The following SRFBP1 variants were observed in gnomAD, a reference collection of about 807,000 sequenced individuals.
The protein encoded by SRFBP1 is serum response factor-binding protein 1.
Under a neutral mutation model 45.5 loss-of-function variants are expected in SRFBP1, and 47 were observed. That is an observed-to-expected ratio of 1.03 (90% CI 0.82 to 1.32). The LOEUF (loss-of-function observed/expected upper bound fraction) is 1.32, where lower values mean the gene tolerates loss of function less well. Among genes scored for constraint, SRFBP1 ranks in the 40% most tolerant of loss-of-function variants. The probability of loss-of-function intolerance (pLI) is 0.00; values close to 1 mark genes in which losing one functional copy is unlikely to be tolerated. For synonymous variants in SRFBP1, 203 were observed against 166.3 expected, an observed-to-expected ratio of 1.22 and a Z score of -1.70; for missense variants, 621 against 484.6, an observed-to-expected ratio of 1.28 and a Z score of -2.64.
chr5:122,076,485 G>A (rs1363723681), downstream of SRFBP1, among the ~76,000 whole-genome samples: 1 of 152,132 alleles, frequency 6.6e-6, no homozygotes, highest in African/African-American at 2.4e-5. Flanking sequence ...TACCAATGAG[G>A]CTACGATGGC....
intron 2 of SRFBP1, among the ~76,000 whole-genome samples, chr5:122,069,030 T>C (rs554184256): frequency 6.6e-6 from 1 of 152,248 alleles, no homozygotes; most frequent in South Asian, 2.1e-4. Context: ...TTCAGAAGAA[T>C]GTATGTGACT....
At chr5:122,038,066 G>A (rs1207780660) in intron 2 of SRFBP1, among the ~76,000 whole-genome samples, 3 of 152,118 alleles carry the variant, frequency 2.0e-5, no homozygotes, top group Non-Finnish European at 4.4e-5. Flanking sequence ...GTCTTAGATG[G>A]ATGCCTACCT....
intron 2 of SRFBP1, among the ~76,000 whole-genome samples, chr5:122,072,620 C>T (rs1336319774): frequency 2.6e-5 from 4 of 152,064 alleles, no homozygotes; most frequent in African/African-American, 9.7e-5. Flanking sequence ...GATTGAGAGA[C>T]TATTTTTTCC....
chr5:122,001,215 C>T lies in SRFBP1; in HGVS notation c.270+6545C>T, dbSNP rs562033923. 1.1e-4 allele frequency among the ~76,000 whole-genome samples: 17 copies of T among 151,570 alleles called. No homozygotes were observed. In the East Asian group the frequency reaches 3.3e-3, roughly 29 times the overall value. Reference sequence around the variant, plus strand: ...ATTATATAAAAGTTTCTAATCATAACTACTTGAGTAAAATGAATAAAAGTT... The same window carrying T: ...ATTATATAAAAGTTTCTAATCATAATTACTTGAGTAAAATGAATAAAAGTT... On this transcript the variant is annotated intron_variant, in intron 4 of 7. Coordinates refer to ENST00000339397, the MANE Select transcript of SRFBP1 (RefSeq NM_152546.3).
At chr5:122,040,154 T>G (rs545397425) in intron 2 of SRFBP1, among the ~76,000 whole-genome samples, 13 of 152,284 alleles carry the variant, frequency 8.5e-5, no homozygotes, top group African/African-American at 3.1e-4. Context: ...TACTTTTGAT[T>G]AATTTTAGGA....
At chr5:122,014,127 A>G (rs1334666281) in intron 4 of SRFBP1, among the ~76,000 whole-genome samples, 1 of 152,188 alleles carries the variant, frequency 6.6e-6, no homozygotes, top group Non-Finnish European at 1.5e-5. Flanking sequence ...ATGTGTCAAT[A>G]TCACTTTGTA....
intron 7 of SRFBP1, among the ~76,000 whole-genome samples, chr5:122,024,943 G>C (rs1753446491): frequency 6.6e-6 from 1 of 151,688 alleles, no homozygotes; most frequent in Non-Finnish European, 1.5e-5. Flanking sequence ...TTTTTGTTTT[G>C]TTTTGTTTTG....
intron 7 of SRFBP1, 81 bp downstream of exon 7, chr5:122,022,488 C>A: frequency 8.4e-7 from 1 of 1,193,792 alleles, no homozygotes. Context: ...ATTGTTGTTG[C>A]TTAATATAGC....
chr5:122,057,017 C>G (rs1396962520), intron 2 of SRFBP1, among the ~76,000 whole-genome samples: 1 of 152,036 alleles, frequency 6.6e-6, no homozygotes, highest in Non-Finnish European at 1.5e-5. Context: ...AATTGAGAAA[C>G]CAAATTTAAA....
rs552001084 is a variant in SRFBP1, at chr5:122,024,222, C to T, written c.1105+1815C>T. ...ACCTTTGTACAGCAAACTCCATAGGCTTGTGGCCTGCTTGCCAAGTTATCA... is the reference window on the plus strand; with the variant it reads ...ACCTTTGTACAGCAAACTCCATAGGTTTGTGGCCTGCTTGCCAAGTTATCA... On this transcript the variant is annotated intron_variant, in intron 7 of 7. Coordinates refer to ENST00000339397, the MANE Select transcript of SRFBP1 (RefSeq NM_152546.3). 3.3e-5 allele frequency among the ~76,000 whole-genome samples: 5 copies of T among 152,316 alleles called. No individual in the cohort carries two copies. In the East Asian group the frequency reaches 9.7e-4, roughly 29 times the overall value.
intron 4 of SRFBP1, among the ~76,000 whole-genome samples, chr5:122,002,864 G>C (rs1355485610): frequency 1.3e-5 from 2 of 151,916 alleles, no homozygotes; most frequent in Non-Finnish European, 2.9e-5. Context: ...CCAGCCTTAA[G>C]AAAAAAAGCA....
chr5:122,022,280 A>G, intron 6 of SRFBP1, 90 bp from the exon 7 acceptor site: 1 of 1,101,768 alleles, frequency 9.1e-7, no homozygotes. Flanking sequence ...GGCCCTTTGA[A>G]TTAGTTTTAT....
rs372644149 is a variant in SRFBP1, at chr5:121,994,681, A to G, written c.270+11A>G. On this transcript the variant is annotated intron_variant, in intron 4 of 7. Coordinates refer to ENST00000339397, the MANE Select transcript of SRFBP1 (RefSeq NM_152546.3). ...AAAATCTTCAAAAAGGTATATCTGC[A>G]ATAGATTATATTTGTCTTATGAAAA... The G allele has an allele frequency of 5.9e-6, 9 of 1,523,230 alleles. No individual in the cohort carries two copies. In the African/African-American group the frequency reaches 7.0e-5, roughly 12 times the overall value. 94.4% of individuals were successfully genotyped at this position (1,523,230 alleles called of 1,614,324 possible).
At chr5:122,018,902 T>A (rs1212403913) in intron 4 of SRFBP1, among the ~76,000 whole-genome samples, 8 of 152,170 alleles carry the variant, frequency 5.3e-5, no homozygotes, top group Non-Finnish European at 1.2e-4. Context: ...TTCTTTGATA[T>A]TAATTTAGTC....
chr5:122,038,598 C>G (rs1203018811), intron 2 of SRFBP1, among the ~76,000 whole-genome samples: 2 of 152,168 alleles, frequency 1.3e-5, no homozygotes, highest in African/African-American at 2.4e-5. Flanking sequence ...CACTGAGACT[C>G]CTGGCTCCAG....
rs546432152 is a variant in SRFBP1 at position 121,991,116 on chromosome 5, A to G, written c.199-3483A>G. On this transcript the variant is annotated intron_variant, in intron 3 of 7. Transcript: ENST00000339397. Reference sequence around the variant, plus strand: ...CCGTCATCCCAGGCATTCTTTGTAAATAATGAATTATTTCAGATCTTGAAA... The same window carrying G: ...CCGTCATCCCAGGCATTCTTTGTAAGTAATGAATTATTTCAGATCTTGAAA... 6.6e-5 allele frequency among the ~76,000 whole-genome samples: 10 copies of G among 152,284 alleles called. No homozygotes were observed. In the South Asian group the frequency reaches 1.9e-3, roughly 28 times the overall value.
intron 2 of SRFBP1, among the ~76,000 whole-genome samples, chr5:122,035,068 C>A (rs190117225): frequency 1.3e-5 from 2 of 151,278 alleles, no homozygotes; most frequent in African/African-American, 4.9e-5. Flanking sequence ...GTTGTTTTTT[C>A]TATTACCCTT....
downstream of SRFBP1, among the ~76,000 whole-genome samples, chr5:122,029,701 G>A (rs749519081): frequency 5.3e-5 from 8 of 152,116 alleles, no homozygotes; most frequent in East Asian, 3.9e-4. Context: ...ACTCAAACTC[G>A]TTTGTTTTTC....
chr5:122,070,233 A>G, intron 2 of SRFBP1: 1 of 919,864 alleles, frequency 1.1e-6, no homozygotes, highest in Non-Finnish European at 1.8e-6. Context: ...GAAATTGTTA[A>G]TGAGGACTTA....
Sources: gnomAD v4.1 joint callset for allele counts (sites outside exome capture counted in the v4.1 genomes callset) on GRCh38, gnomAD v4.1.1 for gene constraint, MANE v1.5 for transcripts, NCBI Gene and HGNC (gene_info 2026-07-23, HGNC 2026-07-21) for gene names.